The following LAMA5 variants were observed in gnomAD, a reference collection of about 807,000 sequenced individuals.
LAMA5 encodes laminin subunit alpha-5.
In LAMA5, 260 loss-of-function variants were observed where a neutral mutation model predicts 433.4. The ratio of observed to expected loss-of-function variants is 0.60; its 90% CI spans 0.54 to 0.66. LAMA5 has a LOEUF of 0.66. LAMA5 is among the 30% of genes least tolerant of loss of function. The pLI, the probability that LAMA5 is intolerant of heterozygous loss-of-function variation, is 0.00. For missense variants in LAMA5, 5,378 were observed against 5,258.5 expected (o/e 1.02, Z -0.70); for synonymous variants, 2,620 against 2,226.6 (o/e 1.18, Z -4.97).
chr20:62,322,126 C>T lies in LAMA5; in HGVS notation c.6389G>A (p.Arg2130His), dbSNP rs528255444. 2.6e-5 allele frequency: 41 copies of T among 1,602,696 alleles called. No individual in the cohort carries two copies. The highest frequency in any genetic ancestry group is 1.8e-4 in the Admixed American group (11 of 59,644). ...PGGRCDPHTGRCNCPPGLSGE... is the reference protein window; with the variant it reads ...PGGRCDPHTGHCNCPPGLSGE... ...GCTGAGCCCCGGGGGGCAGTTGCAG[C>T]GGCCCGTGTGAGGGTCACAGCGGCC... Residue 2130 changes from arginine to histidine, a missense_variant, in exon 48 of 80, where the codon CGC becomes CAC. Arg to His is a conservative substitution (Grantham distance 29, BLOSUM62 0). Coordinates refer to ENST00000252999, the MANE Select transcript of LAMA5 (RefSeq NM_005560.6).
Position 62,316,930 on chromosome 20 carries a change from G to A in LAMA5, c.7605C>T (p.Ala2535=), listed in dbSNP as rs41296211. The A allele has an allele frequency of 9.2e-5, 144 of 1,556,908 alleles. No homozygotes were observed. The African/African-American group carries it at 1.1e-3, about 12-fold the overall frequency. ...GCAGGGCCTGGCCAGCAGCATCCTC[G>A]GCAGCCTGCACGGCCTGCAGGATGC... is the stretch of plus-strand genomic sequence containing the variant. ...YSRILQAVQA[A]EDAAGQALQQ... The change falls in exon 56 of 80, where the codon GCC becomes GCT. Residue 2535 remains alanine (A), a synonymous_variant. Coordinates refer to ENST00000252999, the MANE Select transcript of LAMA5 (RefSeq NM_005560.6).
intron 31 of LAMA5, 83 bp from the exon 32 acceptor site, chr20:62,329,999 G>A (rs1980056483): frequency 1.3e-6 from 2 of 1,524,190 alleles, no homozygotes; most frequent in African/African-American, 1.4e-5. Context: ...GCAGCGTTGG[G>A]GCAGCCAAGG....
chr20:62,343,926 C>T (rs1320313543), intron 11 of LAMA5, among the ~76,000 whole-genome samples: 1 of 151,742 alleles, frequency 6.6e-6, no homozygotes, highest in African/African-American at 2.4e-5. Context: ...AGGCGGATTA[C>T]CTGAGGTTGG....
intron 2 of LAMA5, among the ~76,000 whole-genome samples, chr20:62,357,263 ACT>A: frequency 6.6e-6 from 1 of 152,034 alleles, no homozygotes; most frequent in East Asian, 1.9e-4. Context: ...GCGGTCTGTG[ACT>A]CAGCCCCCGC....
intron 57 of LAMA5, chr20:62,316,263 C>A (rs1986919871): frequency 1.7e-6 from 1 of 595,104 alleles, no homozygotes; most frequent in Non-Finnish European, 3.0e-6. Flanking sequence ...TCTGGTCCCA[C>A]TGCAGGCATA....
rs779833212 is a variant in LAMA5 at position 62,323,588 on chromosome 20, T to C, written c.5932A>G (p.Asn1978Asp). 2 of 1,610,290 alleles carry C rather than the reference T, an allele frequency of 1.2e-6. No homozygotes were observed. The highest frequency in any genetic ancestry group is 3.4e-5 in the Admixed American group (2 of 59,700). The change falls in exon 45 of 80, where the codon AAC (asparagine) becomes GAC (aspartate). Residue 1978 changes from asparagine to aspartate, a missense_variant. Physicochemically the swap from Asn to Asp is conservative, Grantham distance 23. Transcript: ENST00000252999. The part of the protein sequence containing the change: ...PCDCSGNGDP[N>D]LLFSDCDPLT... Reference sequence around the variant, plus strand: ...GGGTCGCAGTCGCTGAAGAGCAAGTTGGGGTCACCGTTGCCGCTGCAGTCG... The same window carrying C: ...GGGTCGCAGTCGCTGAAGAGCAAGTCGGGGTCACCGTTGCCGCTGCAGTCG...
At position 62,318,439 on chromosome 20, in the gene LAMA5, G is replaced by A; in HGVS notation, c.7239+15C>T. On this transcript the variant is annotated intron_variant, in intron 53 of 79. Coordinates refer to ENST00000252999, the MANE Select transcript of LAMA5 (RefSeq NM_005560.6). The stretch of plus-strand genomic sequence containing the variant: ...GGAAGAGGAGCAGGAGGAAGAACAA[G>A]TCCGGGGTCCTCACCAGGGCTTCCT... 13 of 1,591,598 alleles carry A rather than the reference G, an allele frequency of 8.2e-6. No homozygotes were observed. The highest frequency in any genetic ancestry group is 1.1e-5 in the Non-Finnish European group (13 of 1,172,822).
chr20:62,330,085 G>T (rs1182392232), intron 31 of LAMA5, among the ~76,000 whole-genome samples, 169 bp from the exon 32 acceptor site: 1 of 152,238 alleles, frequency 6.6e-6, no homozygotes, highest in Non-Finnish European at 1.5e-5. Context: ...ATGTCACGGG[G>T]GTTGGCCGCA....
At position 62,317,013 on chromosome 20, in the gene LAMA5, C is replaced by A; in HGVS notation, c.7522G>T (p.Asp2508Tyr). Residue 2508 changes from aspartate to tyrosine, a missense_variant, in exon 56 of 80, where the codon GAC becomes TAC. Asp to Tyr is a radical substitution (Grantham distance 160). Transcript: ENST00000252999. ...LALNLSSIIL[D>Y]VNQDRLTQRA... ...TGGGTGAGGCGGTCCTGGTTGACGTCCAGGATGATGCTGCAGCGGAAGGGA... is the reference window on the plus strand; with the variant it reads ...TGGGTGAGGCGGTCCTGGTTGACGTACAGGATGATGCTGCAGCGGAAGGGA... 2.0e-6 allele frequency: 3 copies of A among 1,531,978 alleles called. No individual in the cohort carries two copies. Among genetic ancestry groups the A allele is most frequent in the Non-Finnish European group, 2.6e-6 (3 of 1,137,452 alleles). 94.9% of individuals were successfully genotyped at this position (1,531,978 alleles called of 1,614,324 possible).
chr20:62,310,735 GC>G lies in LAMA5; in HGVS notation c.10375del (p.Ala3459GlnfsTer25). 6.3e-7 allele frequency: 1 copy of G among 1,583,804 alleles called. No homozygotes were observed. Among genetic ancestry groups the G allele is most frequent in the Non-Finnish European group, 8.6e-7 (1 of 1,168,310 alleles). On this transcript the variant is annotated frameshift_variant, in exon 75 of 80. Transcript: ENST00000252999. LOFTEE classifies it high-confidence loss of function. ...QEGPHRQHQG[A>X]EHPQPHTLFV... ...GAGGGTGTGGGGCTGGGGGTGCTCT[GC>G]CCCCTGGTGCTGCCGGTGCGGCCCC...
At chr20:62,335,694 T>C (rs1479747361) in intron 18 of LAMA5, among the ~76,000 whole-genome samples, 533 of 20,110 alleles carry the variant, frequency 0.027, no homozygotes, top group Admixed American at 0.034. Flanking sequence ...CCCCACACAC[T>C]AACACCCCCT....
chr20:62,362,911 C>T (rs573871576), intron 1 of LAMA5, among the ~76,000 whole-genome samples: 7 of 151,462 alleles, frequency 4.6e-5, no homozygotes, highest in Admixed American at 2.6e-4. Context: ...GCCAGTGCAA[C>T]GAGCCCTGGG....
Position 62,351,890 on chromosome 20 carries a change from T to C in LAMA5, c.858+19A>G. ...ACCCGGCCAGTCCCCCTCCCCCGCC[T>C]GCGCCATGGGCAGCTCACCCGGCGG... is the stretch of plus-strand genomic sequence containing the variant. On this transcript the variant is annotated intron_variant, in intron 5 of 79. Transcript: ENST00000252999. 6.3e-7 allele frequency: 1 copy of C among 1,582,752 alleles called. No individual in the cohort carries two copies. Among genetic ancestry groups the C allele is most frequent in the Non-Finnish European group, 8.6e-7 (1 of 1,165,910 alleles).
chr20:62,310,030 G>T lies in LAMA5; in HGVS notation c.10786C>A (p.Arg3596Ser). 1 of 1,611,326 alleles carries T rather than the reference G, an allele frequency of 6.2e-7. No individual in the cohort carries two copies. The highest frequency in any genetic ancestry group is 8.5e-7 in the Non-Finnish European group (1 of 1,179,752). Reference sequence around the variant, plus strand: ...TGGCCATCACACAGCACTGAGGGGCGGGTCACTGACGTGGAGAACTCCCCT... The same window carrying T: ...TGGCCATCACACAGCACTGAGGGGCTGGTCACTGACGTGGAGAACTCCCCT... The part of the protein sequence containing the change: ...GAGEFSTSVT[R>S]PSVLCDGQWH... Residue 3596 changes from arginine (R) to serine (S), a missense_variant, in exon 78 of 80, where the codon CGC becomes AGC. Arg to Ser is a moderately radical substitution (Grantham distance 110). Transcript: ENST00000252999.
In LAMA5 at chr20:62,327,984, C is replaced by A. The variant is rs137986729; in HGVS notation, c.4679G>T (p.Arg1560Leu). The A allele has an allele frequency of 3.1e-6, 5 of 1,612,148 alleles. No homozygotes were observed. The highest frequency in any genetic ancestry group is 1.1e-5 in the South Asian group (1 of 91,056). ...CKCRPNVTGR[R>L]CDTCSPGFHG... The stretch of plus-strand genomic sequence containing the variant: ...GAAGCCCGGAGAGCAGGTATCACAG[C>A]GGCGCCCAGTCACGTTGGGTCTGCA... Residue 1560 changes from arginine to leucine, a missense_variant, in exon 36 of 80, where the codon CGC (arginine) becomes CTC (leucine). Physicochemically the swap from Arg to Leu is moderately radical, Grantham distance 102. Transcript: ENST00000252999.
rs1379001533 is a variant in LAMA5 at position 62,311,546 on chromosome 20, G to T, written c.9807-10C>A. The stretch of plus-strand genomic sequence containing the variant: ...CTGTGGGCCCAGGAGCCTGTGCAGG[G>T]CGGGCAGGCGGTCAGCAGCTGCGGA... On this transcript the variant is annotated splice_polypyrimidine_tract_variant and intron_variant, in intron 71 of 79. Coordinates refer to ENST00000252999, the MANE Select transcript of LAMA5 (RefSeq NM_005560.6). 1.2e-6 allele frequency: 2 copies of T among 1,609,776 alleles called. No individual in the cohort carries two copies. The highest frequency in any genetic ancestry group is 1.1e-5 in the South Asian group (1 of 90,856).
At position 62,324,479 on chromosome 20, in the gene LAMA5, G is replaced by A. The variant is rs1978900128; in HGVS notation, c.5605C>T (p.His1869Tyr). 6.2e-7 allele frequency: 1 copy of A among 1,612,370 alleles called. No individual in the cohort carries two copies. The change falls in exon 42 of 80, where the codon CAC becomes TAC. Residue 1869 changes from histidine (H) to tyrosine (Y), a missense_variant. Coordinates refer to ENST00000252999, the MANE Select transcript of LAMA5 (RefSeq NM_005560.6). The surrounding 1 kb of genome is among the most constrained non-coding windows in gnomAD (Gnocchi z 4.4). ...GAGCCAGGGAGGCAGCGGTCTGAGTGTCCATGGCACTGACAAGGGACACAT... is the reference window on the plus strand; with the variant it reads ...GAGCCAGGGAGGCAGCGGTCTGAGTATCCATGGCACTGACAAGGGACACAT... ...GRCVPCQCHGHSDRCLPGSGV... is the reference protein window; with the variant it reads ...GRCVPCQCHGYSDRCLPGSGV...
chr20:62,313,050 T>C lies in LAMA5; in HGVS notation c.8955+38A>G, dbSNP rs551086242. Reference sequence around the variant, plus strand: ...CAGGGTTAGTGTGGGGCAGGGTCAGTGCAAGTGGGGATGGCAGGACGGGTG... The same window carrying C: ...CAGGGTTAGTGTGGGGCAGGGTCAGCGCAAGTGGGGATGGCAGGACGGGTG... On this transcript the variant is annotated intron_variant, in intron 65 of 79. Transcript: ENST00000252999. 16 of 1,602,666 alleles carry C rather than the reference T, an allele frequency of 1.0e-5. No individual in the cohort carries two copies. The African/African-American group carries it at 1.7e-4, about 17-fold the overall frequency.
At position 62,345,869 on chromosome 20, in the gene LAMA5, AG is replaced by A; in HGVS notation, c.1425del (p.Ser476ArgfsTer17). 1 of 1,553,532 alleles carries A rather than the reference AG, an allele frequency of 6.4e-7. No individual in the cohort carries two copies. Among genetic ancestry groups the A allele is most frequent in the Non-Finnish European group, 8.7e-7 (1 of 1,148,398 alleles). ...FTGFPSCYPT[P>X]SSSNDTREQV... ...TGCTCCCTGGTGTCATTGGAGGACG[AG>A]GGCGTCGCTGAGGGGAAGAGACACG... is the stretch of plus-strand genomic sequence containing the variant. On this transcript the variant is annotated frameshift_variant, in exon 11 of 80. Coordinates refer to ENST00000252999, the MANE Select transcript of LAMA5 (RefSeq NM_005560.6). LOFTEE classifies it high-confidence loss of function.
Sources: gnomAD v4.1 joint callset for allele counts (sites outside exome capture counted in the v4.1 genomes callset) on GRCh38, gnomAD v4.1.1 for gene constraint, Gnocchi (gnomAD v3.1) non-coding constraint, MANE v1.5 for transcripts, NCBI Gene and HGNC (gene_info 2026-07-23, HGNC 2026-07-21) for gene names.